Variants in UGT1A7 observed in about 807,000 individuals in gnomAD.
UGT1A7 encodes the protein UDP-glucuronosyltransferase 1A7.
A neutral mutation model predicts 45.6 loss-of-function variants in UGT1A7; 33 were observed. The ratio of observed to expected loss-of-function variants is 0.72; its 90% confidence interval spans 0.55 to 0.97. UGT1A7 has a LOEUF of 0.97. Ranked by LOEUF, UGT1A7 falls within the 50% of genes least tolerant of loss-of-function variation. The probability of loss-of-function intolerance (pLI) is 0.00; values close to 1 mark genes in which losing one functional copy is unlikely to be tolerated. For missense variants in UGT1A7, 684 were observed against 666.2 expected, an observed-to-expected ratio of 1.03 and a Z score of -0.29; for synonymous variants, 274 against 250.6, an observed-to-expected ratio of 1.09 and a Z score of -0.88.
At chr2:233,771,979 G>A (rs35456228) in intron 4 of UGT1A7, among the ~76,000 whole-genome samples, 135 of 152,326 alleles carry the variant, frequency 8.9e-4, no homozygotes, top group African/African-American at 3.2e-3. Context: ...GCCAGACATA[G>A]TGGTGCATGA....
At chr2:233,726,038 C>T (rs1360509529) in intron 1 of UGT1A7, among the ~76,000 whole-genome samples, 1 of 152,198 alleles carries the variant, frequency 6.6e-6, no homozygotes, top group African/African-American at 2.4e-5. Context: ...TGATGGCGCA[C>T]ACCTGTGGTC....
chr2:233,772,682 G>A lies in UGT1A7; in HGVS notation c.*123G>A, dbSNP rs1700541485. The A allele has an allele frequency of 6.7e-7, 1 of 1,494,640 alleles. No individual in the cohort carries two copies. The allele number at this position is 1,494,640 out of a possible 1,614,324, so 92.6% of individuals were successfully genotyped here. On this transcript the variant is annotated 3_prime_UTR_variant, in exon 5 of 5. Coordinates refer to ENST00000373426, the MANE Select transcript of UGT1A7 (RefSeq NM_019077.3). ...GGAAATACTTTGCATAAATTAATCA[G>A]CCCCAGAGTGCTTTAAAAAATTCTC...
chr2:233,721,761 G>T (rs1319151225), intron 1 of UGT1A7: 5 of 472,432 alleles, frequency 1.1e-5, no homozygotes, highest in Admixed American at 8.9e-5. Flanking sequence ...CATCTAAATT[G>T]TTATATTTAG....
intron 1 of UGT1A7, chr2:233,752,598 T>G (rs1695013249): frequency 6.6e-6 from 1 of 152,212 alleles, no homozygotes. Flanking sequence ...CAAGATTTTT[T>G]TTAAAAAAAC....
At chr2:233,730,084 A>G (rs962499834) in intron 1 of UGT1A7, 3 of 1,600,988 alleles carry the variant, frequency 1.9e-6, no homozygotes, top group African/African-American at 2.7e-5. Context: ...ATATTTACTT[A>G]TCTTTCCAAA....
At chr2:233,696,620 T>C (rs1575459167) in intron 1 of UGT1A7, among the ~76,000 whole-genome samples, 1 of 146,384 alleles carries the variant, frequency 6.8e-6, no homozygotes, top group Non-Finnish European at 1.5e-5. Flanking sequence ...CTTTCTTTCT[T>C]TCTCTTGCTT....
chr2:233,744,469 A>G (rs965200544), intron 1 of UGT1A7, among the ~76,000 whole-genome samples: 1 of 151,962 alleles, frequency 6.6e-6, no homozygotes, highest in African/African-American at 2.4e-5. Flanking sequence ...AGAATTAAAA[A>G]GACATATTAA....
rs45489204 is a variant in UGT1A7 at position 233,712,384 on chromosome 2, G to A, written c.855+29592G>A. 7.4e-3 allele frequency among the ~76,000 whole-genome samples: 1,134 copies of A among 152,260 alleles called. 41 individuals are homozygous for A. Among genetic ancestry groups the A allele is most frequent in the Admixed American group, 0.052 (796 of 15,282 alleles). On this transcript the variant is annotated intron_variant, in intron 1 of 4. Coordinates refer to ENST00000373426, the MANE Select transcript of UGT1A7 (RefSeq NM_019077.3). ...CCCTGCAGCTTTTTTTATATTGACA[G>A]CCACTTCAGAGAGAGTCCTCTTTGA...
intron 1 of UGT1A7, among the ~76,000 whole-genome samples, chr2:233,720,881 T>C (rs1341261377): frequency 6.6e-6 from 1 of 150,882 alleles, no homozygotes; most frequent in Non-Finnish European, 1.5e-5. Flanking sequence ...ATTTTTTTTT[T>C]TTTTTTTTTA....
chr2:233,704,589 A>G (rs2075798846), intron 1 of UGT1A7, among the ~76,000 whole-genome samples: 1 of 152,206 alleles, frequency 6.6e-6, no homozygotes. Flanking sequence ...ATCAGAGAGA[A>G]GAAAGAAGAG....
At chr2:233,743,583 A>C (rs1360653487) in intron 1 of UGT1A7, 5 of 1,367,304 alleles carry the variant, frequency 3.7e-6, no homozygotes, top group Non-Finnish European at 4.9e-6. Context: ...AAGAGGTCAA[A>C]GGAGAATGGG....
At chr2:233,752,037 A>G (rs1331054991) in intron 1 of UGT1A7, among the ~76,000 whole-genome samples, 2 of 152,222 alleles carry the variant, frequency 1.3e-5, no homozygotes, top group Non-Finnish European at 2.9e-5. Context: ...TAGAAAGGTA[A>G]GCTGTTGTGT....
In UGT1A7 at chr2:233,681,908, C is replaced by T; in HGVS notation, c.-30C>T. 6.3e-7 allele frequency: 1 copy of T among 1,598,330 alleles called. No individual in the cohort carries two copies. The highest frequency in any genetic ancestry group is 8.5e-7 in the Non-Finnish European group (1 of 1,172,324). On this transcript the variant is annotated 5_prime_UTR_variant, in exon 1 of 5. Transcript: ENST00000373426. ...ACTATATTATAGGAGCTTAGAATCC[C>T]AGCTGCTGGCTCTGGGCTGAAGTTC... is the stretch of plus-strand genomic sequence containing the variant.
intron 1 of UGT1A7, among the ~76,000 whole-genome samples, chr2:233,720,088 T>A (rs2076829579): frequency 1.3e-5 from 2 of 152,140 alleles, no homozygotes; most frequent in South Asian, 4.1e-4. Context: ...ACATGATAAT[T>A]TTTAGTGGTC....
intron 1 of UGT1A7, chr2:233,713,749 C>T (rs1291086898): frequency 6.2e-7 from 1 of 1,613,848 alleles, no homozygotes; most frequent in African/African-American, 1.3e-5. Flanking sequence ...AGCCATGCAT[C>T]TGTGTGGCTG....
intron 4 of UGT1A7, among the ~76,000 whole-genome samples, chr2:233,768,835 C>T (rs968956061): frequency 7.9e-5 from 12 of 152,116 alleles, no homozygotes; most frequent in African/African-American, 2.6e-4. Flanking sequence ...CCACCTGCCT[C>T]GGCCTGCCAA....
At chr2:233,724,781 A>C (rs1318999915) in intron 1 of UGT1A7, among the ~76,000 whole-genome samples, 2 of 140,898 alleles carry the variant, frequency 1.4e-5, no homozygotes, top group Admixed American at 7.0e-5. Flanking sequence ...GACACTCCTC[A>C]CTTCCCAGAC....
intron 1 of UGT1A7, among the ~76,000 whole-genome samples, chr2:233,715,035 T>C (rs2076429171): frequency 6.6e-6 from 1 of 152,024 alleles, no homozygotes; most frequent in East Asian, 1.9e-4. Flanking sequence ...TGGCACCACA[T>C]CCAGCTAATT....
At chr2:233,689,828 C>CT in intron 1 of UGT1A7, 1 of 451,876 alleles carries the variant, frequency 2.2e-6, no homozygotes, top group Non-Finnish European at 4.4e-6. Context: ...TCTCTGGACT[C>CT]TAACTTTCTT....
Sources: gnomAD v4.1 joint callset for allele counts (sites outside exome capture counted in the v4.1 genomes callset) on GRCh38, gnomAD v4.1.1 for gene constraint, MANE v1.5 for transcripts, NCBI Gene and HGNC (gene_info 2026-07-23, HGNC 2026-07-21) for gene names.